TBL1XR1: variants seen among roughly 807,000 people sequenced by gnomAD.
TBL1XR1 encodes the protein TBL1X/Y related 1.
A neutral mutation model predicts 66.9 loss-of-function variants in TBL1XR1; 5 were observed. The observed-to-expected ratio is 0.07, with a 90% CI of 0.04 to 0.16. The LOEUF is 0.16. TBL1XR1 is among the 10% of genes least tolerant of loss of function. TBL1XR1 has a pLI of 1.00. For synonymous variants in TBL1XR1, 210 were observed against 206.0 expected, an observed-to-expected ratio of 1.02 and a Z score of -0.17; for missense variants, 238 against 623.2, an observed-to-expected ratio of 0.38 and a Z score of 6.58.
At chr3:177,118,967 GTTT>G (rs956725506) in intron 1 of TBL1XR1, among the ~76,000 whole-genome samples, 8 of 151,842 alleles carry the variant, frequency 5.3e-5, no homozygotes, top group African/African-American at 1.7e-4. Flanking sequence ...GGATAATCAG[GTTT>G]TTTTTGTTTT....
Position 177,019,347 on chromosome 3 carries a change from T to C in TBL1XR1, c.*6151A>G, listed in dbSNP as rs928222118. ...CCCAACAACCAAGAAACATTAGTAA[T>C]TGTCTTCTGTACTTTACTAAACACT... On this transcript the variant is annotated 3_prime_UTR_variant, in exon 16 of 16. Coordinates refer to ENST00000457928, the MANE Select transcript of TBL1XR1 (RefSeq NM_024665.7). 3.3e-5 allele frequency: 5 copies of C among 151,906 alleles called. No homozygotes were observed. Among genetic ancestry groups the C allele is most frequent in the Non-Finnish European group, 7.4e-5 (5 of 68,026 alleles). The allele number at this position is 151,906 out of a possible 1,614,324, so 9.4% of individuals were successfully genotyped here.
At chr3:177,160,431 G>A (rs1215615305) in intron 1 of TBL1XR1, among the ~76,000 whole-genome samples, 6 of 150,202 alleles carry the variant, frequency 4.0e-5, no homozygotes, top group East Asian at 2.0e-4. Flanking sequence ...CCAAGATTGC[G>A]CCACTGCACT....
chr3:177,039,608 T>C (rs191086010), intron 10 of TBL1XR1, among the ~76,000 whole-genome samples: 25 of 152,280 alleles, frequency 1.6e-4, no homozygotes, highest in African/African-American at 5.8e-4. Flanking sequence ...AACATCCTTG[T>C]CTCCTGCTGC....
chr3:177,185,516 G>A (rs1735297180), intron 1 of TBL1XR1, among the ~76,000 whole-genome samples: 1 of 151,902 alleles, frequency 6.6e-6, no homozygotes, highest in Non-Finnish European at 1.5e-5. Flanking sequence ...CTGAGGCAGG[G>A]GCATCACTTG....
chr3:177,131,987 G>A (rs1398824376), intron 1 of TBL1XR1, among the ~76,000 whole-genome samples: 1 of 151,376 alleles, frequency 6.6e-6, no homozygotes, highest in Non-Finnish European at 1.5e-5. Flanking sequence ...GTACATTCCT[G>A]AAATAAGAGA....
chr3:177,084,925 A>G (rs904141625), intron 2 of TBL1XR1, among the ~76,000 whole-genome samples: 4 of 152,216 alleles, frequency 2.6e-5, no homozygotes, highest in African/African-American at 9.6e-5. Context: ...GTTCCATAGC[A>G]GCCACTACTC....
chr3:177,038,454 A>G lies in TBL1XR1; in HGVS notation c.926-20T>C, dbSNP rs2108437610. 6.7e-7 allele frequency: 1 copy of G among 1,497,142 alleles called. No homozygotes were observed. The allele number at this position is 1,497,142 out of a possible 1,614,324, so 92.7% of individuals were successfully genotyped here. The stretch of plus-strand genomic sequence containing the variant: ...CTGGTGCTGCAAAGGAACAAAGGTT[A>G]GATTTGCTTTTATTCCACATGTACT... On this transcript the variant is annotated intron_variant, in intron 10 of 15. Transcript: ENST00000457928.
intron 12 of TBL1XR1, among the ~76,000 whole-genome samples, chr3:177,037,202 A>G (rs1175354428): frequency 6.6e-6 from 1 of 152,264 alleles, no homozygotes; most frequent in Non-Finnish European, 1.5e-5. Context: ...ATTCCAATCA[A>G]ATCCATGAAT....
At chr3:177,142,543 C>A (rs970129500) in intron 1 of TBL1XR1, among the ~76,000 whole-genome samples, 1 of 152,170 alleles carries the variant, frequency 6.6e-6, no homozygotes, top group Non-Finnish European at 1.5e-5. Context: ...AGCTAGTCTT[C>A]ACCTGGTGCA....
chr3:177,168,767 T>A (rs1733122860), intron 1 of TBL1XR1, among the ~76,000 whole-genome samples: 1 of 152,194 alleles, frequency 6.6e-6, no homozygotes, highest in Admixed American at 6.6e-5. Context: ...AAAATAAAAA[T>A]TCAATCATTT....
intron 1 of TBL1XR1, among the ~76,000 whole-genome samples, chr3:177,126,527 A>G (rs1270439328): frequency 1.1e-4 from 17 of 152,222 alleles, no homozygotes; most frequent in Non-Finnish European, 2.5e-4. Flanking sequence ...TTCAAGTCCT[A>G]CATCCATGAA....
intron 3 of TBL1XR1, among the ~76,000 whole-genome samples, chr3:177,063,787 A>C (rs1577060504): frequency 6.6e-6 from 1 of 152,164 alleles, no homozygotes; most frequent in African/African-American, 2.4e-5. Context: ...CTTGGATACT[A>C]ATCTCTCTTT....
At chr3:177,037,063 T>C (rs1056630808) in intron 12 of TBL1XR1, among the ~76,000 whole-genome samples, 1 of 152,174 alleles carries the variant, frequency 6.6e-6, no homozygotes, top group African/African-American at 2.4e-5. Flanking sequence ...CAGAGATCCA[T>C]GTTGAGATGT....
At chr3:177,134,846 A>C (rs926121353) in intron 1 of TBL1XR1, among the ~76,000 whole-genome samples, 2 of 152,192 alleles carry the variant, frequency 1.3e-5, no homozygotes, top group Admixed American at 6.5e-5. Context: ...TGAATCTCAG[A>C]GCCTACTTAA....
intron 14 of TBL1XR1, chr3:177,027,792 A>G (rs1352765510): frequency 2.0e-5 from 3 of 152,196 alleles, no homozygotes; most frequent in Non-Finnish European, 4.4e-5. Context: ...TCAGGCTGGG[A>G]AGGCTCAACT....
At chr3:177,070,608 G>A (rs1037766608) in intron 2 of TBL1XR1, among the ~76,000 whole-genome samples, 1 of 152,158 alleles carries the variant, frequency 6.6e-6, no homozygotes, top group Non-Finnish European at 1.5e-5. Context: ...TAGCACTTTG[G>A]GGGGCCGAGG....
chr3:177,037,933 A>T (rs1424385256), intron 12 of TBL1XR1, 165 bp downstream of exon 12: 28 of 587,156 alleles, frequency 4.8e-5, no homozygotes. Context: ...TTCAGAAAAG[A>T]AACTATAAAA....
intron 2 of TBL1XR1, among the ~76,000 whole-genome samples, chr3:177,070,343 T>C (rs780724053): frequency 2.0e-5 from 3 of 152,042 alleles, no homozygotes; most frequent in African/African-American, 4.8e-5. Context: ...ATACATATCC[T>C]AGGAAATAAT....
At chr3:177,085,942 T>G (rs544125135) in intron 2 of TBL1XR1, among the ~76,000 whole-genome samples, 1 of 152,232 alleles carries the variant, frequency 6.6e-6, no homozygotes, top group Admixed American at 6.5e-5. Context: ...AATTCTTGGT[T>G]CTGTAACTAT....
Sources: allele counts gnomAD v4.1 joint callset (sites outside exome capture counted in the v4.1 genomes callset), GRCh38; gene constraint gnomAD v4.1.1; transcripts MANE v1.5; gene names NCBI Gene and HGNC (gene_info 2026-07-23, HGNC 2026-07-21).